PTPRD: variants seen among roughly 807,000 people sequenced by gnomAD.
The protein encoded by PTPRD is receptor-type tyrosine-protein phosphatase delta.
In PTPRD, 34 loss-of-function variants were observed where a neutral mutation model predicts 214.5. The ratio of observed to expected loss-of-function variants is 0.16; its 90% CI spans 0.12 to 0.21. PTPRD has a LOEUF of 0.21. PTPRD is among the 10% of genes least tolerant of loss of function. The pLI, the probability that PTPRD is intolerant of heterozygous loss-of-function variation, is 1.00. For missense variants in PTPRD, 2,545 were observed against 2,398.7 expected (o/e 1.06, Z -1.27); for synonymous variants, 1,128 against 845.7 (o/e 1.33, Z -5.79).
chr9:9,510,727 A>G (rs1233861557), intron 8 of PTPRD, among the ~76,000 whole-genome samples: 1 of 151,086 alleles, frequency 6.6e-6, no homozygotes, highest in African/African-American at 2.4e-5. Context: ...CCTCACCATG[A>G]TCTCTTCAGG....
chr9:9,231,698 A>G (rs187202567), intron 9 of PTPRD, among the ~76,000 whole-genome samples: 1 of 152,142 alleles, frequency 6.6e-6, no homozygotes, highest in African/African-American at 2.4e-5. Context: ...AACACACTTG[A>G]GATTTAAATG....
chr9:8,923,029 CTTTTTGTCTGTCTTTT>C (rs1406908321), intron 11 of PTPRD, among the ~76,000 whole-genome samples: 7 of 106,024 alleles, frequency 6.6e-5, no homozygotes, highest in Non-Finnish European at 1.8e-5. Flanking sequence ...CTTTTTCTCT[CTTTTTGTCTGTCTTTT>C]TTTTTGTTGT....
chr9:10,061,426 C>G (rs2097776000), intron 3 of PTPRD, among the ~76,000 whole-genome samples: 1 of 152,100 alleles, frequency 6.6e-6, no homozygotes, highest in Non-Finnish European at 1.5e-5. Context: ...GTTCTTCCAA[C>G]AACAGCTCTC....
chr9:10,061,106 G>A (rs399780), intron 3 of PTPRD, among the ~76,000 whole-genome samples: 69,769 of 150,796 alleles, frequency 0.46, 18,540 homozygotes, highest in African/African-American at 0.75. Flanking sequence ...ATGGTGTTCA[G>A]CCAAGGGTAT....
At chr9:8,767,384 T>C (rs900403375) in intron 11 of PTPRD, among the ~76,000 whole-genome samples, 13 of 152,188 alleles carry the variant, frequency 8.5e-5, no homozygotes, top group African/African-American at 3.1e-4. Flanking sequence ...CTCAAAGTGC[T>C]GGGATTACAG....
chr9:9,720,158 G>A (rs1279855042), intron 7 of PTPRD, among the ~76,000 whole-genome samples: 2 of 152,156 alleles, frequency 1.3e-5, no homozygotes, highest in East Asian at 1.9e-4. Context: ...GTGACATCCT[G>A]CATCAACATC....
intron 10 of PTPRD, among the ~76,000 whole-genome samples, chr9:9,019,078 C>G (rs575755800): frequency 6.6e-6 from 1 of 151,886 alleles, no homozygotes; most frequent in Non-Finnish European, 1.5e-5. Context: ...TAAAAACAAA[C>G]TTGTGCTAGA....
chr9:8,867,355 C>G (rs2098217114), intron 11 of PTPRD, among the ~76,000 whole-genome samples: 1 of 152,108 alleles, frequency 6.6e-6, no homozygotes, highest in South Asian at 2.1e-4. Context: ...TCTGCCCTCC[C>G]CCTTGGCAAA....
chr9:8,316,019 T>G lies in PTPRD; in HGVS notation c.*1855A>C, dbSNP rs192479195. The G allele has an allele frequency of 4.4e-6, 1 of 228,180 alleles. No individual in the cohort carries two copies. Among genetic ancestry groups the G allele is most frequent in the African/African-American group, 2.2e-5 (1 of 45,148 alleles). 14.1% of individuals were successfully genotyped at this position (228,180 alleles called of 1,614,324 possible). On this transcript the variant is annotated 3_prime_UTR_variant, in exon 46 of 46. Transcript: ENST00000381196. The stretch of plus-strand genomic sequence containing the variant: ...TATATTCCAAAGTTGCCAATGATAT[T>G]TGTTACTAAAATAAGTTTGGTGCAG...
chr9:10,019,788 G>T (rs1567135195), intron 4 of PTPRD, among the ~76,000 whole-genome samples: 1 of 150,046 alleles, frequency 6.7e-6, no homozygotes, highest in African/African-American at 2.4e-5. Context: ...GGGGTGGGGG[G>T]GAGCTGGGAG....
chr9:8,829,539 G>C (rs1437206098), intron 11 of PTPRD, among the ~76,000 whole-genome samples: 1 of 152,024 alleles, frequency 6.6e-6, no homozygotes, highest in Non-Finnish European at 1.5e-5. Context: ...ATAATCCTAT[G>C]GAAATCTTTA....
Position 8,397,241 on chromosome 9 carries a change from T to G in PTPRD, c.4210+7296A>C, listed in dbSNP as rs550149727. On this transcript the variant is annotated intron_variant, in intron 36 of 45. Transcript: ENST00000381196. ...TGCCAACAAACTATTCACTAGTGAC[T>G]GGGAAAGAGAGGGAGAGAAATCCGG... Among the ~76,000 whole-genome samples the G allele has an allele frequency of 2.0e-5, 3 of 152,158 alleles. No individual in the cohort carries two copies. The South Asian group carries it at 6.2e-4, about 32-fold the overall frequency.
intron 11 of PTPRD, among the ~76,000 whole-genome samples, chr9:8,875,682 A>C (rs1046469219): frequency 6.6e-6 from 1 of 152,192 alleles, no homozygotes; most frequent in Non-Finnish European, 1.5e-5. Context: ...CTCAATAATA[A>C]GCATCACCTC....
At chr9:9,160,622 G>A (rs1404271221) in intron 10 of PTPRD, among the ~76,000 whole-genome samples, 1 of 152,114 alleles carries the variant, frequency 6.6e-6, no homozygotes, top group Non-Finnish European at 1.5e-5. Flanking sequence ...ATGGCATGGA[G>A]ATTCCTCAAA....
At chr9:10,231,956 T>TAGAGAGAGAGAGAGAGAGAGAGAG (rs56151511) in intron 3 of PTPRD, among the ~76,000 whole-genome samples, 1 of 109,020 alleles carries the variant, frequency 9.2e-6, no homozygotes, top group African/African-American at 4.1e-5. Context: ...GGGAATGAAT[T>TAGAGAGAGAGAGAGAGAGAGAGAG]AGAGAGAGAG....
chr9:8,344,446 ATGG>A (rs1855588771), intron 39 of PTPRD, among the ~76,000 whole-genome samples: 1 of 123,058 alleles, frequency 8.1e-6, no homozygotes, highest in East Asian at 2.4e-4. Flanking sequence ...CCTTTTCATA[ATGG>A]TGATTTTTTT....
At chr9:9,029,016 T>G (rs2150766) in intron 10 of PTPRD, among the ~76,000 whole-genome samples, 24,931 of 151,852 alleles carry the variant, frequency 0.16, 2,421 homozygotes, top group East Asian at 0.37. Flanking sequence ...ACTTCAACTG[T>G]GGCTAGTAAG....
chr9:9,737,355 T>C (rs373462199), intron 6 of PTPRD, among the ~76,000 whole-genome samples: 4 of 152,174 alleles, frequency 2.6e-5, no homozygotes, highest in South Asian at 2.1e-4. Context: ...TTTTACTATA[T>C]TGATATAATT....
intron 7 of PTPRD, among the ~76,000 whole-genome samples, chr9:9,720,084 C>A (rs1387446420): frequency 6.6e-6 from 1 of 152,076 alleles, no homozygotes. Context: ...TGAAACTAGC[C>A]CAGCAGGCAT....
Sources: allele counts gnomAD v4.1 joint callset (sites outside exome capture counted in the v4.1 genomes callset), GRCh38; gene constraint gnomAD v4.1.1; transcripts MANE v1.5; gene names NCBI Gene and HGNC (gene_info 2026-07-23, HGNC 2026-07-21).